NPAS3: variants seen among roughly 807,000 people sequenced by gnomAD.
NPAS3 encodes neuronal PAS domain protein 3, also known as neuronal PAS domain-containing protein 3.
A neutral mutation model predicts 73.1 loss-of-function variants in NPAS3; 14 were observed. The ratio of observed to expected loss-of-function variants is 0.19; its 90% CI spans 0.13 to 0.30. The LOEUF is 0.30. Ranked by LOEUF, NPAS3 falls within the 10% of genes least tolerant of loss-of-function variation. The pLI, the probability that NPAS3 is intolerant of heterozygous loss-of-function variation, is 1.00. For synonymous variants in NPAS3, 620 were observed against 541.5 expected (o/e 1.14, Z -2.01); for missense variants, 1,096 against 1,250.0 (o/e 0.88, Z 1.86).
intron 1 of NPAS3, among the ~76,000 whole-genome samples, chr14:32,945,189 T>G (rs1459129117): frequency 6.6e-6 from 1 of 152,198 alleles, no homozygotes; most frequent in East Asian, 1.9e-4. Context: ...CTTAGTGTTC[T>G]GTGAGGATAG....
At chr14:33,230,490 A>T (rs2047808180) in intron 3 of NPAS3, among the ~76,000 whole-genome samples, 1 of 152,218 alleles carries the variant, frequency 6.6e-6, no homozygotes, top group Non-Finnish European at 1.5e-5. Flanking sequence ...AATCTGATAG[A>T]ATCCTCATCT....
chr14:33,095,257 G>T (rs144381723), intron 2 of NPAS3, among the ~76,000 whole-genome samples: 298 of 152,318 alleles, frequency 2.0e-3, no homozygotes, highest in Middle Eastern at 6.8e-3. Context: ...TTGTGGACGT[G>T]ATCTACATTT....
At chr14:32,944,347 A>G (rs964602807) in intron 1 of NPAS3, among the ~76,000 whole-genome samples, 3 of 152,238 alleles carry the variant, frequency 2.0e-5, no homozygotes, top group Non-Finnish European at 1.5e-5. Flanking sequence ...TTAATTGCTT[A>G]GGATGAATAA....
intron 2 of NPAS3, among the ~76,000 whole-genome samples, chr14:33,203,456 T>C (rs1165075052): frequency 6.6e-6 from 1 of 152,200 alleles, no homozygotes; most frequent in Non-Finnish European, 1.5e-5. Context: ...TATCTCCTAA[T>C]GCTATCCCTC....
intron 2 of NPAS3, among the ~76,000 whole-genome samples, chr14:33,060,915 A>T (rs2041073685): frequency 6.6e-6 from 1 of 152,210 alleles, no homozygotes; most frequent in Non-Finnish European, 1.5e-5. Context: ...GAAAATACAA[A>T]TCCAGAATGT....
chr14:33,207,968 AT>A (rs71118532), intron 2 of NPAS3, among the ~76,000 whole-genome samples: 7 of 151,696 alleles, frequency 4.6e-5, no homozygotes, highest in South Asian at 4.2e-4. Flanking sequence ...TTAATTGATA[AT>A]TTTTTTTTGT....
At chr14:32,961,270 G>GT (rs1360317369) in intron 1 of NPAS3, among the ~76,000 whole-genome samples, 1 of 151,744 alleles carries the variant, frequency 6.6e-6, no homozygotes, top group African/African-American at 2.4e-5. Flanking sequence ...AAATTAGCCG[G>GT]GTGTGGTGGC....
chr14:33,594,152 C>T, intron 5 of NPAS3, among the ~76,000 whole-genome samples: 1 of 152,162 alleles, frequency 6.6e-6, no homozygotes, highest in Non-Finnish European at 1.5e-5. Flanking sequence ...TTATCAGGTG[C>T]TCAAGCTTCT....
chr14:33,270,963 G>A lies in NPAS3; in HGVS notation c.385+55537G>A, dbSNP rs143364179. Reference sequence around the variant, plus strand: ...CCTCTGAATGTTCCTTGAAAATCAAGTGACAAAAGGAAGATTAATAGGATA... The same window carrying A: ...CCTCTGAATGTTCCTTGAAAATCAAATGACAAAAGGAAGATTAATAGGATA... On this transcript the variant is annotated intron_variant, in intron 3 of 11. Transcript: ENST00000356141. Among the ~76,000 whole-genome samples, 9 of 152,256 alleles carry A rather than the reference G, an allele frequency of 5.9e-5. No homozygotes were observed. In the East Asian group the frequency reaches 1.7e-3, roughly 29 times the overall value.
intron 4 of NPAS3, among the ~76,000 whole-genome samples, chr14:33,499,030 G>A (rs527419823): frequency 2.6e-4 from 39 of 147,562 alleles, no homozygotes; most frequent in African/African-American, 8.9e-4. Context: ...TGAAAGAGAC[G>A]GCTGTAATGG....
chr14:33,449,650 C>G (rs183565616), intron 4 of NPAS3, among the ~76,000 whole-genome samples: 13 of 152,094 alleles, frequency 8.5e-5, no homozygotes, highest in African/African-American at 1.9e-4. Flanking sequence ...CACACACACA[C>G]AGAGAAGAAA....
At chr14:33,128,067 T>A (rs1307038560) in intron 2 of NPAS3, among the ~76,000 whole-genome samples, 1 of 152,116 alleles carries the variant, frequency 6.6e-6, no homozygotes, top group Non-Finnish European at 1.5e-5. Context: ...CTGAGAAATG[T>A]ACAAAGCTGT....
chr14:33,235,082 T>TA, intron 3 of NPAS3, among the ~76,000 whole-genome samples: 1 of 152,176 alleles, frequency 6.6e-6, no homozygotes, highest in South Asian at 2.1e-4. Context: ...ATGGGGAAAA[T>TA]ATAGCTTTGG....
upstream of NPAS3, among the ~76,000 whole-genome samples, chr14:32,938,831 C>T (rs1352287911): frequency 6.8e-6 from 1 of 146,164 alleles, no homozygotes; most frequent in Non-Finnish European, 1.5e-5. Context: ...GCGGCCGCCT[C>T]CCCCCGCCGC....
At chr14:33,209,854 G>T (rs148449449) in intron 2 of NPAS3, among the ~76,000 whole-genome samples, 3 of 152,144 alleles carry the variant, frequency 2.0e-5, no homozygotes, top group South Asian at 4.1e-4. Flanking sequence ...AAAAGTTTAC[G>T]TGAAGGTGTT....
At chr14:33,619,162 A>T (rs942896696) in intron 5 of NPAS3, among the ~76,000 whole-genome samples, 4 of 152,218 alleles carry the variant, frequency 2.6e-5, no homozygotes, top group African/African-American at 9.6e-5. Flanking sequence ...TTTGAATCAG[A>T]AAAGTCAGCT....
chr14:33,775,282 G>A (rs1028012562), intron 8 of NPAS3, among the ~76,000 whole-genome samples: 3 of 152,120 alleles, frequency 2.0e-5, no homozygotes, highest in Non-Finnish European at 2.9e-5. Context: ...GAGAGGAGCC[G>A]CCCACATACC....
intron 4 of NPAS3, among the ~76,000 whole-genome samples, chr14:33,400,659 ACAGT>A (rs2138742414): frequency 6.6e-6 from 1 of 152,254 alleles, no homozygotes; most frequent in East Asian, 1.9e-4. Context: ...CAATGAGAAG[ACAGT>A]CAGTCCAACT....
intron 3 of NPAS3, among the ~76,000 whole-genome samples, chr14:33,300,515 T>G (rs902172199): frequency 6.6e-6 from 1 of 152,186 alleles, no homozygotes; most frequent in African/African-American, 2.4e-5. Context: ...GTACTCCACT[T>G]TAAAGTGACA....
Sources: gnomAD v4.1 joint callset for allele counts (sites outside exome capture counted in the v4.1 genomes callset) on GRCh38, gnomAD v4.1.1 for gene constraint, MANE v1.5 for transcripts, NCBI Gene and HGNC (gene_info 2026-07-23, HGNC 2026-07-21) for gene names.